Variants in MRPL48 observed in about 807,000 individuals in gnomAD.
The protein encoded by MRPL48 is mitochondrial ribosomal protein L48.
Under a neutral mutation model 32.9 loss-of-function variants are expected in MRPL48, and 16 were observed. The observed-to-expected ratio is 0.49, with a 90% CI of 0.33 to 0.74. MRPL48 has a LOEUF of 0.74. Ranked by LOEUF, MRPL48 falls within the 30% of genes least tolerant of loss-of-function variation. The pLI, the probability that MRPL48 is intolerant of heterozygous loss-of-function variation, is 0.02. For synonymous variants in MRPL48, 94 were observed against 89.2 expected, an observed-to-expected ratio of 1.05 and a Z score of -0.31; for missense variants, 206 against 245.3, an observed-to-expected ratio of 0.84 and a Z score of 1.07.
chr11:73,808,470 C>T, intron 3 of MRPL48, 120 bp downstream of exon 3: 1 of 959,612 alleles, frequency 1.0e-6, no homozygotes, highest in African/African-American at 1.6e-5. Context: ...AACCAAACCC[C>T]ACCCCTCCAT....
chr11:73,804,750 G>GA (rs1250100264), intron 1 of MRPL48, among the ~76,000 whole-genome samples: 2 of 152,080 alleles, frequency 1.3e-5, no homozygotes, highest in Non-Finnish European at 2.9e-5. Context: ...ATTGATATTA[G>GA]AAAAAAATAG....
intron 1 of MRPL48, among the ~76,000 whole-genome samples, chr11:73,799,539 C>A (rs1378982870): frequency 1.3e-5 from 2 of 152,102 alleles, no homozygotes; most frequent in Non-Finnish European, 2.9e-5. Context: ...CATGTTAATT[C>A]GCTTTTCTGA....
chr11:73,802,725 G>T (rs766606362), intron 1 of MRPL48, among the ~76,000 whole-genome samples: 8 of 150,882 alleles, frequency 5.3e-5, no homozygotes, highest in Admixed American at 4.0e-4. Flanking sequence ...TTGAGACAGG[G>T]TCTCATTCTG....
chr11:73,805,293 CT>C (rs11335180), intron 2 of MRPL48, among the ~76,000 whole-genome samples: 55,168 of 136,740 alleles, frequency 0.4, 11,517 homozygotes, highest in African/African-American at 0.65. Flanking sequence ...TGATGCTGTT[CT>C]TTTTTTTTTT....
intron 4 of MRPL48, among the ~76,000 whole-genome samples, chr11:73,840,866 G>C (rs2135045475): frequency 6.6e-6 from 1 of 152,264 alleles, no homozygotes; most frequent in Non-Finnish European, 1.5e-5. Flanking sequence ...CAGAGAGGGA[G>C]AAGATATTTG....
At chr11:73,823,483 G>T (rs1473846639) in intron 3 of MRPL48, among the ~76,000 whole-genome samples, 2 of 152,030 alleles carry the variant, frequency 1.3e-5, no homozygotes, top group African/African-American at 4.8e-5. Context: ...AAAATTTGGT[G>T]AAAGTAACCA....
chr11:73,799,107 T>C (rs1947311431), intron 1 of MRPL48, among the ~76,000 whole-genome samples: 1 of 152,118 alleles, frequency 6.6e-6, no homozygotes, highest in African/African-American at 2.4e-5. Flanking sequence ...GGGACTGGGC[T>C]TTTCCAGGAT....
At chr11:73,819,879 C>T (rs1947742077) in intron 3 of MRPL48, among the ~76,000 whole-genome samples, 1 of 152,178 alleles carries the variant, frequency 6.6e-6, no homozygotes, top group Admixed American at 6.5e-5. Context: ...GCCTGGGCAA[C>T]AGAGCGGTTC....
At chr11:73,797,872 G>A (rs1438881868) in intron 1 of MRPL48, among the ~76,000 whole-genome samples, 3 of 152,220 alleles carry the variant, frequency 2.0e-5, no homozygotes, top group South Asian at 2.1e-4. Context: ...CAAAAATCCC[G>A]TAACAATATG....
At chr11:73,834,087 G>T (rs1225943855) in intron 4 of MRPL48, among the ~76,000 whole-genome samples, 3 of 152,104 alleles carry the variant, frequency 2.0e-5, no homozygotes, top group African/African-American at 7.2e-5. Flanking sequence ...GGACTCAAGT[G>T]ATATGCCTGC....
At chr11:73,836,352 C>T (rs1948103296) in intron 4 of MRPL48, among the ~76,000 whole-genome samples, 1 of 152,124 alleles carries the variant, frequency 6.6e-6, no homozygotes, top group Non-Finnish European at 1.5e-5. Context: ...CTCACCACCA[C>T]ATGCCCAGCT....
At chr11:73,793,475 T>C (rs549202389) in intron 1 of MRPL48, among the ~76,000 whole-genome samples, 1 of 152,190 alleles carries the variant, frequency 6.6e-6, no homozygotes, top group Admixed American at 6.5e-5. Flanking sequence ...AACAGAAGGA[T>C]CCAAGCAAGT....
At chr11:73,820,211 G>A (rs1422491472) in intron 3 of MRPL48, among the ~76,000 whole-genome samples, 3 of 152,182 alleles carry the variant, frequency 2.0e-5, no homozygotes, top group South Asian at 2.1e-4. Flanking sequence ...GGTTGATTCC[G>A]ACCACTACTC....
At chr11:73,853,915 C>T (rs991094763) in intron 5 of MRPL48, among the ~76,000 whole-genome samples, 2 of 151,984 alleles carry the variant, frequency 1.3e-5, no homozygotes, top group East Asian at 1.9e-4. Flanking sequence ...TGGTCTTGAT[C>T]TCCTGACCTC....
chr11:73,825,669 C>T, intron 3 of MRPL48, 39 bp from the exon 4 acceptor site: 2 of 1,518,224 alleles, frequency 1.3e-6, no homozygotes, highest in Non-Finnish European at 1.8e-6. Context: ...ATAATAGCAA[C>T]AACAAAAAAA....
At chr11:73,836,218 A>G (rs1243922125) in intron 4 of MRPL48, among the ~76,000 whole-genome samples, 1 of 152,084 alleles carries the variant, frequency 6.6e-6, no homozygotes, top group African/African-American at 2.4e-5. Context: ...TCCCAGGTTC[A>G]AGCAATTCTG....
At chr11:73,845,136 T>C in intron 5 of MRPL48, 160 bp downstream of exon 5, 2 of 713,420 alleles carry the variant, frequency 2.8e-6, no homozygotes, top group East Asian at 3.2e-5. Context: ...TCTATTAACC[T>C]GAAAAGTTCT....
At position 73,841,345 on chromosome 11, in the gene MRPL48, A is replaced by G. The variant is rs552346340; in HGVS notation, c.202-3462A>G. ...TTCACTAAAAGATACATACTAGAAC[A>G]TTGGTTGCACTACTATTCATAACGG... On this transcript the variant is annotated intron_variant, in intron 4 of 7. Coordinates refer to ENST00000310614, the MANE Select transcript of MRPL48 (RefSeq NM_016055.6). 1.1e-4 allele frequency among the ~76,000 whole-genome samples: 16 copies of G among 152,342 alleles called. No individual in the cohort carries two copies. The South Asian group carries it at 2.5e-3, about 24-fold the overall frequency.
intron 5 of MRPL48, chr11:73,850,450 A>G (rs1948368282): frequency 6.4e-6 from 2 of 312,726 alleles, no homozygotes; most frequent in Admixed American, 4.5e-5. Flanking sequence ...TAAAAAAAAA[A>G]TCTCTCTTTC....
Sources: gnomAD v4.1 joint callset for allele counts (sites outside exome capture counted in the v4.1 genomes callset) on GRCh38, gnomAD v4.1.1 for gene constraint, MANE v1.5 for transcripts, NCBI Gene and HGNC (gene_info 2026-07-23, HGNC 2026-07-21) for gene names.